Variants in AOAH observed in about 807,000 individuals in gnomAD.
The protein encoded by AOAH is acyloxyacyl hydrolase (neutrophil).
Under a neutral mutation model 92.2 loss-of-function variants are expected in AOAH, and 64 were observed. The ratio of observed to expected loss-of-function variants is 0.69; its 90% confidence interval spans 0.57 to 0.86. AOAH has a LOEUF of 0.86. AOAH is among the 40% of genes least tolerant of loss of function. The pLI is 0.00. For missense variants in AOAH, 656 were observed against 694.6 expected (o/e 0.94, Z 0.62); for synonymous variants, 263 against 254.5 (o/e 1.03, Z -0.32).
chr7:36,590,028 C>G (rs1789632747), intron 12 of AOAH, among the ~76,000 whole-genome samples: 1 of 152,088 alleles, frequency 6.6e-6, no homozygotes, highest in Non-Finnish European at 1.5e-5. Flanking sequence ...ACAGCAATCT[C>G]AGCAATCTCA....
chr7:36,579,263 C>CAGCCA (rs1788747783), intron 12 of AOAH, among the ~76,000 whole-genome samples: 2 of 152,034 alleles, frequency 1.3e-5, no homozygotes, highest in South Asian at 4.2e-4. Context: ...TTGGATTCTC[C>CAGCCA]AGCCCAGCCC....
At chr7:36,622,321 A>G (rs915798492) in intron 7 of AOAH, among the ~76,000 whole-genome samples, 1 of 152,270 alleles carries the variant, frequency 6.6e-6, no homozygotes, top group Non-Finnish European at 1.5e-5. Flanking sequence ...TTATTTGGCC[A>G]AATGATTAAT....
In AOAH at chr7:36,618,332, T is replaced by C; in HGVS notation, c.716A>G (p.Lys239Arg). The part of the protein sequence containing the change: ...NCNGIWGVDP[K>R]DGVPYEKKFC... ...TTTCTTCTCATATGGAACTCCATCTTTTGGATCGACACCCTTTAAAAAAGA... is the reference window on the plus strand; with the variant it reads ...TTTCTTCTCATATGGAACTCCATCTCTTGGATCGACACCCTTTAAAAAAGA... The change falls in exon 10 of 21, where the codon AAA (lysine) becomes AGA (arginine). Residue 239 changes from lysine (K) to arginine (R), a missense_variant. Physicochemically the swap from Lys to Arg is conservative, Grantham distance 26 (BLOSUM62 2). Transcript: ENST00000617537. The C allele has an allele frequency of 6.2e-7, 1 of 1,614,120 alleles. No homozygotes were observed. The highest frequency in any genetic ancestry group is 8.5e-7 in the Non-Finnish European group (1 of 1,179,972).
At chr7:36,525,983 G>A (rs1395743272) in intron 19 of AOAH, among the ~76,000 whole-genome samples, 1 of 152,276 alleles carries the variant, frequency 6.6e-6, no homozygotes, top group Middle Eastern at 3.4e-3. Flanking sequence ...CGGGGGAATA[G>A]GAGCGTACCC....
chr7:36,621,492 T>C (rs780134983), intron 8 of AOAH, among the ~76,000 whole-genome samples: 12 of 152,326 alleles, frequency 7.9e-5, no homozygotes, highest in Non-Finnish European at 1.5e-4. Context: ...CCCAGCACGA[T>C]GCAAAGTACT....
At chr7:36,607,724 C>A (rs1249913015) in intron 11 of AOAH, among the ~76,000 whole-genome samples, 1 of 152,212 alleles carries the variant, frequency 6.6e-6, no homozygotes, top group South Asian at 2.1e-4. Context: ...ATTATCTGCA[C>A]CCAGGGATGG....
chr7:36,573,868 T>C (rs1246315825), intron 13 of AOAH, among the ~76,000 whole-genome samples: 1 of 152,246 alleles, frequency 6.6e-6, no homozygotes, highest in African/African-American at 2.4e-5. Context: ...AACACTTTAC[T>C]ATTCTATTCA....
chr7:36,559,981 G>A (rs950056488), intron 13 of AOAH, among the ~76,000 whole-genome samples: 1 of 152,024 alleles, frequency 6.6e-6, no homozygotes, highest in Non-Finnish European at 1.5e-5. Context: ...ATCATTTATT[G>A]AACAGGGAGT....
chr7:36,722,216 T>C (rs543178729), intron 1 of AOAH, among the ~76,000 whole-genome samples: 1 of 152,280 alleles, frequency 6.6e-6, no homozygotes, highest in South Asian at 2.1e-4. Flanking sequence ...TGGTTATTAT[T>C]GTAATTTTTG....
intron 11 of AOAH, among the ~76,000 whole-genome samples, chr7:36,615,317 G>T (rs1401393763): frequency 6.6e-6 from 1 of 152,132 alleles, no homozygotes; most frequent in Non-Finnish European, 1.5e-5. Context: ...TAGCAAATAA[G>T]AAAATACCAT....
chr7:36,585,506 C>T (rs1789260054), intron 12 of AOAH, among the ~76,000 whole-genome samples: 3 of 152,106 alleles, frequency 2.0e-5, no homozygotes, highest in Admixed American at 2.0e-4. Flanking sequence ...GAAATCCTCA[C>T]ACATATTCCA....
chr7:36,656,808 C>G (rs1039774295), intron 4 of AOAH, among the ~76,000 whole-genome samples: 1 of 141,188 alleles, frequency 7.1e-6, no homozygotes, highest in African/African-American at 2.7e-5. Context: ...GACTTCACCA[C>G]GGCACCTAGA....
intron 15 of AOAH, among the ~76,000 whole-genome samples, chr7:36,542,149 G>A (rs571589893): frequency 6.6e-6 from 1 of 152,296 alleles, no homozygotes; most frequent in South Asian, 2.1e-4. Flanking sequence ...AGGACACACA[G>A]ACATACACCA....
At chr7:36,562,546 G>A (rs59168719) in intron 13 of AOAH, among the ~76,000 whole-genome samples, 5,812 of 152,236 alleles carry the variant, frequency 0.038, 375 homozygotes, top group African/African-American at 0.13. Flanking sequence ...GAGAAGAAAA[G>A]GGTCCACACA....
chr7:36,523,629 G>GGTTTT lies in AOAH; in HGVS notation c.1523-1515_1523-1514insAAAAC, dbSNP rs759621905. 1.8e-3 allele frequency among the ~76,000 whole-genome samples: 180 copies of GGTTTT among 100,130 alleles called. 1 individual carries two copies. Among genetic ancestry groups the GGTTTT allele is most frequent in the African/African-American group, 6.6e-3 (163 of 24,682 alleles). The allele number at this position is 100,130 out of a possible 152,430, so 65.7% of individuals were successfully genotyped here. On this transcript the variant is annotated intron_variant, in intron 19 of 20. Transcript: ENST00000617537. ...TCAGTTTGCCTGGCCTGTTTTGCCT[G>GGTTTT]TTTTTTTTTTTTTTTTTTTTGGCAT...
chr7:36,579,939 T>C (rs1788817718), intron 12 of AOAH, among the ~76,000 whole-genome samples: 1 of 152,216 alleles, frequency 6.6e-6, no homozygotes, highest in Non-Finnish European at 1.5e-5. Context: ...CCCTCACAAG[T>C]CTGAAGGAAT....
chr7:36,668,096 AT>A (rs1795659778), intron 3 of AOAH, among the ~76,000 whole-genome samples: 1 of 151,886 alleles, frequency 6.6e-6, no homozygotes, highest in Non-Finnish European at 1.5e-5. Flanking sequence ...ACTGTTTTTT[AT>A]TTGTTACCGT....
chr7:36,544,303 T>C (rs1420061755), intron 15 of AOAH, among the ~76,000 whole-genome samples: 1 of 152,138 alleles, frequency 6.6e-6, no homozygotes, highest in Non-Finnish European at 1.5e-5. Context: ...TGGTGATGTT[T>C]GGGGGAGACT....
At chr7:36,573,258 C>T (rs1345166377) in intron 13 of AOAH, among the ~76,000 whole-genome samples, 1 of 152,214 alleles carries the variant, frequency 6.6e-6, no homozygotes, top group Non-Finnish European at 1.5e-5. Flanking sequence ...CATGTGCTGG[C>T]TGCCTCCCAA....
Sources: gnomAD v4.1 joint callset for allele counts (sites outside exome capture counted in the v4.1 genomes callset) on GRCh38, gnomAD v4.1.1 for gene constraint, MANE v1.5 for transcripts, NCBI Gene and HGNC (gene_info 2026-07-23, HGNC 2026-07-21) for gene names.